PTPRD: variants seen among roughly 807,000 people sequenced by gnomAD.
The protein encoded by PTPRD is receptor-type tyrosine-protein phosphatase delta.
Under a neutral mutation model 214.5 loss-of-function variants are expected in PTPRD, and 34 were observed. That is an observed-to-expected ratio of 0.16 (90% CI 0.12 to 0.21). PTPRD has a LOEUF of 0.21. Among genes scored for constraint, PTPRD ranks in the 10% least tolerant of loss-of-function variants. PTPRD has a pLI of 1.00. For synonymous variants in PTPRD, 1,128 were observed against 845.7 expected (o/e 1.33, Z -5.79); for missense variants, 2,545 against 2,398.7 (o/e 1.06, Z -1.27).
At chr9:9,179,599 T>G (rs1263909400) in intron 10 of PTPRD, among the ~76,000 whole-genome samples, 4 of 152,112 alleles carry the variant, frequency 2.6e-5, no homozygotes, top group Non-Finnish European at 5.9e-5. Context: ...GTTTCAATGT[T>G]TAGACATTGT....
chr9:9,162,997 C>T (rs1398638047), intron 10 of PTPRD, among the ~76,000 whole-genome samples: 4 of 152,126 alleles, frequency 2.6e-5, no homozygotes, highest in Admixed American at 2.6e-4. Flanking sequence ...GTACAACTCT[C>T]TTCTGGTGTG....
intron 2 of PTPRD, among the ~76,000 whole-genome samples, chr9:10,581,995 G>T (rs2072034182): frequency 6.6e-6 from 1 of 152,098 alleles, no homozygotes; most frequent in Non-Finnish European, 1.5e-5. Context: ...AAGGATTCCT[G>T]AATTCTGAAG....
chr9:9,275,131 TATATA>T (rs1944789804), intron 9 of PTPRD, among the ~76,000 whole-genome samples: 2 of 54,394 alleles, frequency 3.7e-5, no homozygotes, highest in Admixed American at 3.4e-4. Flanking sequence ...ATATATATTA[TATATA>T]ATATATATAT....
intron 11 of PTPRD, among the ~76,000 whole-genome samples, chr9:8,996,045 G>T (rs1359114248): frequency 6.6e-6 from 1 of 151,966 alleles, no homozygotes; most frequent in East Asian, 1.9e-4. Flanking sequence ...AAACAGTTTG[G>T]CAGTTTCTTA....
intron 7 of PTPRD, among the ~76,000 whole-genome samples, chr9:9,613,374 G>A (rs962090551): frequency 6.6e-6 from 1 of 151,712 alleles, no homozygotes; most frequent in Non-Finnish European, 1.5e-5. Context: ...AAAGACATTG[G>A]CTTGAGTTCT....
chr9:9,804,856 C>T (rs1362254751), intron 5 of PTPRD, among the ~76,000 whole-genome samples: 1 of 151,160 alleles, frequency 6.6e-6, no homozygotes, highest in Non-Finnish European at 1.5e-5. Flanking sequence ...TTTACATAAG[C>T]AATTGAAATA....
chr9:8,893,863 G>C (rs117160903), intron 11 of PTPRD, among the ~76,000 whole-genome samples: 120 of 152,112 alleles, frequency 7.9e-4, no homozygotes, highest in Non-Finnish European at 1.5e-3. Flanking sequence ...GGTATGAATG[G>C]TAAGGAACTA....
intron 4 of PTPRD, among the ~76,000 whole-genome samples, chr9:9,987,773 G>A (rs567312389): frequency 6.6e-6 from 1 of 152,286 alleles, no homozygotes; most frequent in South Asian, 2.1e-4. Context: ...TTACCTAGCA[G>A]CATAGTAATG....
chr9:9,211,011 C>A (rs774820473), intron 9 of PTPRD, among the ~76,000 whole-genome samples: 5 of 151,544 alleles, frequency 3.3e-5, no homozygotes, highest in Non-Finnish European at 7.4e-5. Context: ...AAACATAGTT[C>A]CTTAATAATG....
chr9:9,626,999 C>T (rs1485025084), intron 7 of PTPRD, among the ~76,000 whole-genome samples: 1 of 152,126 alleles, frequency 6.6e-6, no homozygotes, highest in East Asian at 1.9e-4. Flanking sequence ...GGGAGCTTTC[C>T]AGATTTCAAG....
At chr9:8,325,866 G>A (rs79773174) in intron 44 of PTPRD, among the ~76,000 whole-genome samples, 6,473 of 152,070 alleles carry the variant, frequency 0.043, 193 homozygotes, top group South Asian at 0.16. Flanking sequence ...GTTCACTCGT[G>A]ATTTGGCTAT....
intron 2 of PTPRD, among the ~76,000 whole-genome samples, chr9:10,444,706 C>CA (rs146406785): frequency 0.11 from 15,482 of 146,920 alleles, 1,057 homozygotes; most frequent in Middle Eastern, 0.17. Flanking sequence ...ATAACAAAGA[C>CA]AAAAAAAAAG....
chr9:8,941,858 T>G (rs2099035998), intron 11 of PTPRD, among the ~76,000 whole-genome samples: 1 of 152,148 alleles, frequency 6.6e-6, no homozygotes, highest in Non-Finnish European at 1.5e-5. Flanking sequence ...TAGGCTGGAG[T>G]GCAATGGCAC....
chr9:9,029,285 T>C (rs1197650366), intron 10 of PTPRD, among the ~76,000 whole-genome samples: 4 of 151,872 alleles, frequency 2.6e-5, no homozygotes, highest in African/African-American at 9.7e-5. Context: ...GAGTAACTGT[T>C]GGAAGGTTGA....
At chr9:9,242,226 A>G (rs2099970716) in intron 9 of PTPRD, among the ~76,000 whole-genome samples, 1 of 152,162 alleles carries the variant, frequency 6.6e-6, no homozygotes, top group Admixed American at 6.5e-5. Context: ...TGTTAGTCTG[A>G]TGGGCTTCCC....
chr9:10,076,837 A>G (rs1384820682), intron 3 of PTPRD, among the ~76,000 whole-genome samples: 1 of 152,134 alleles, frequency 6.6e-6, no homozygotes, highest in African/African-American at 2.4e-5. Context: ...AGCGCACATT[A>G]CAGCTAATGG....
At chr9:9,076,131 T>C (rs960260696) in intron 10 of PTPRD, among the ~76,000 whole-genome samples, 2 of 152,188 alleles carry the variant, frequency 1.3e-5, no homozygotes, top group South Asian at 2.1e-4. Context: ...TATCTCACTG[T>C]GGTCTTGATT....
intron 11 of PTPRD, among the ~76,000 whole-genome samples, chr9:8,979,655 A>C (rs2099296329): frequency 6.6e-6 from 1 of 152,150 alleles, no homozygotes; most frequent in Non-Finnish European, 1.5e-5. Context: ...ATCACTAATT[A>C]TCAGGGAAAT....
chr9:10,074,441 C>G (rs2098094983), intron 3 of PTPRD, among the ~76,000 whole-genome samples: 1 of 152,026 alleles, frequency 6.6e-6, no homozygotes, highest in Non-Finnish European at 1.5e-5. Flanking sequence ...GTTATTGGCT[C>G]AGTTTGGATC....
Sources: gnomAD v4.1 joint callset for allele counts (sites outside exome capture counted in the v4.1 genomes callset) on GRCh38, gnomAD v4.1.1 for gene constraint, MANE v1.5 for transcripts, NCBI Gene and HGNC (gene_info 2026-07-23, HGNC 2026-07-21) for gene names.